ALKBH8: variants seen among roughly 807,000 people sequenced by gnomAD.
The protein encoded by ALKBH8 is tRNA (carboxymethyluridine(34)-5-O)-methyltransferase ALKBH8.
Under a neutral mutation model 59.8 loss-of-function variants are expected in ALKBH8, and 36 were observed. The ratio of observed to expected loss-of-function variants is 0.60; its 90% CI spans 0.46 to 0.79. ALKBH8 has a LOEUF of 0.79. ALKBH8 is among the 30% of genes least tolerant of loss of function. The probability of loss-of-function intolerance (pLI) is 0.00; values close to 1 mark genes in which losing one functional copy is unlikely to be tolerated. For missense variants in ALKBH8, 768 were observed against 801.0 expected (o/e 0.96, Z 0.50); for synonymous variants, 276 against 273.6 (o/e 1.01, Z -0.09).
intron 8 of ALKBH8, among the ~76,000 whole-genome samples, chr11:107,531,737 G>A (rs759224608): frequency 1.3e-5 from 2 of 152,224 alleles, no homozygotes; most frequent in Non-Finnish European, 2.9e-5. Context: ...GGGCCAGAGA[G>A]TGAATATTTC....
intron 9 of ALKBH8, among the ~76,000 whole-genome samples, chr11:107,524,715 G>A (rs531333659): frequency 1.3e-5 from 2 of 152,082 alleles, no homozygotes; most frequent in African/African-American, 4.8e-5. Context: ...ATAACATTTT[G>A]TAGATATAGT....
intron 10 of ALKBH8, among the ~76,000 whole-genome samples, chr11:107,514,641 A>T (rs1284673771): frequency 6.6e-6 from 1 of 152,200 alleles, no homozygotes; most frequent in Non-Finnish European, 1.5e-5. Context: ...GCCATCAGCC[A>T]ACAGTCAGAA....
chr11:107,563,421 T>A (rs1024400946), intron 1 of ALKBH8: 37 of 152,198 alleles, frequency 2.4e-4, no homozygotes, highest in African/African-American at 8.4e-4. Context: ...AGCTGTATAA[T>A]CCTAGATGAG....
At chr11:107,521,474 G>C (rs1047835471) in intron 10 of ALKBH8, among the ~76,000 whole-genome samples, 1 of 151,920 alleles carries the variant, frequency 6.6e-6, no homozygotes, top group African/African-American at 2.4e-5. Flanking sequence ...GAAGTAATCT[G>C]ACATACTCCA....
In ALKBH8 at chr11:107,556,967, C is replaced by T. The variant is rs756095378; in HGVS notation, c.166G>A (p.Val56Met). The change falls in exon 3 of 12, where the codon GTG (valine) becomes ATG (methionine). Residue 56 changes from valine (V) to methionine (M), a missense_variant. Val to Met is a conservative substitution (Grantham distance 21). Transcript: ENST00000428149. Reference protein sequence around the residue: ...VVANGGLGNGVSRNQLLPVLE... With the variant: ...VVANGGLGNGMSRNQLLPVLE... ...ACCGGGAGCAGCTGGTTCCGACTCA[C>T]ACCATTACCCAAACCACCATTGGCA... 6 of 1,601,728 alleles carry T rather than the reference C, an allele frequency of 3.7e-6. No individual in the cohort carries two copies. In the African/African-American group the frequency reaches 5.4e-5, roughly 14 times the overall value.
At chr11:107,544,854 CACACACAA>C (rs1288991467) in intron 7 of ALKBH8, among the ~76,000 whole-genome samples, 1 of 140,540 alleles carries the variant, frequency 7.1e-6, no homozygotes, top group Non-Finnish European at 1.5e-5. Context: ...CACACACACA[CACACACAA>C]AGAAGGAGAA....
chr11:107,563,109 G>A (rs1528494), intron 1 of ALKBH8, among the ~76,000 whole-genome samples: 25,884 of 152,132 alleles, frequency 0.17, 2,271 homozygotes, highest in South Asian at 0.21. Flanking sequence ...TGCAATGTCT[G>A]GCTGGCAAGT....
intron 2 of ALKBH8, among the ~76,000 whole-genome samples, chr11:107,558,580 T>A (rs1449624277): frequency 1.3e-5 from 2 of 152,076 alleles, no homozygotes; most frequent in Admixed American, 1.3e-4. Context: ...ATACTAGAAG[T>A]CCTCTAAGAT....
chr11:107,526,989 T>A (rs778630439), intron 8 of ALKBH8, among the ~76,000 whole-genome samples: 2 of 151,978 alleles, frequency 1.3e-5, no homozygotes, highest in Non-Finnish European at 2.9e-5. Context: ...GTCTTAAAAA[T>A]CAGGCAGAAT....
intron 9 of ALKBH8, among the ~76,000 whole-genome samples, chr11:107,522,833 G>A (rs1044102921): frequency 5.4e-4 from 82 of 152,088 alleles, no homozygotes; most frequent in Non-Finnish European, 3.4e-4. Flanking sequence ...ACCTAGTGTT[G>A]GTGTGGATAA....
At chr11:107,518,318 CAG>C (rs1208508448) in intron 10 of ALKBH8, among the ~76,000 whole-genome samples, 1 of 152,190 alleles carries the variant, frequency 6.6e-6, no homozygotes, top group Non-Finnish European at 1.5e-5. Context: ...TTTTTAGACT[CAG>C]AGTCTCACTC....
chr11:107,548,133 G>A (rs2135562953), intron 7 of ALKBH8, among the ~76,000 whole-genome samples: 1 of 152,310 alleles, frequency 6.6e-6, no homozygotes, highest in South Asian at 2.1e-4. Flanking sequence ...TCTGAAGCCA[G>A]GCTCACTTGG....
chr11:107,518,993 T>C (rs1481683458), intron 10 of ALKBH8, among the ~76,000 whole-genome samples: 2 of 152,194 alleles, frequency 1.3e-5, no homozygotes, highest in Non-Finnish European at 2.9e-5. Context: ...TTTTAGGAGA[T>C]GTGATCTTGA....
intron 7 of ALKBH8, among the ~76,000 whole-genome samples, chr11:107,540,516 C>A (rs762517244): frequency 7.2e-5 from 11 of 152,182 alleles, no homozygotes; most frequent in Non-Finnish European, 1.5e-5. Flanking sequence ...ACTGGAAAAT[C>A]AGCTAAAAAA....
At position 107,560,821 on chromosome 11, in the gene ALKBH8, C is replaced by T. The variant is rs772973114; in HGVS notation, c.73G>A (p.Ala25Thr). 2.5e-6 allele frequency: 4 copies of T among 1,613,226 alleles called. No individual in the cohort carries two copies. The highest frequency in any genetic ancestry group is 2.2e-5 in the South Asian group (2 of 91,016). The change falls in exon 2 of 12, where the codon GCC (alanine) becomes ACC (threonine). Residue 25 changes from alanine (A) to threonine (T), a missense_variant. By Grantham distance (58) the Ala-to-Thr change is moderately conservative (BLOSUM62 0). Coordinates refer to ENST00000428149, the MANE Select transcript of ALKBH8 (RefSeq NM_138775.3). ...TCATGTCTCAGCAAAGTATGCTTGG[C>T]TTTAATCTGTTTCCTTAAGAACTTC... is the stretch of plus-strand genomic sequence containing the variant. ...EKKFLRKQIK[A>T]KHTLLRHEGI...
chr11:107,547,439 C>T lies in ALKBH8; in HGVS notation c.771+2314G>A, dbSNP rs73553678. On this transcript the variant is annotated intron_variant, in intron 7 of 11. Transcript: ENST00000428149. Reference sequence around the variant, plus strand: ...AGAAGTGAAGGCTTTAAGTAAGGAGCCCTAGAACAGATACACCTGAAGGAG... The same window carrying T: ...AGAAGTGAAGGCTTTAAGTAAGGAGTCCTAGAACAGATACACCTGAAGGAG... Among the ~76,000 whole-genome samples, 784 of 152,264 alleles carry T rather than the reference C, an allele frequency of 5.1e-3. 4 individuals carry two copies. Among genetic ancestry groups the T allele is most frequent in the African/African-American group, 0.018 (742 of 41,538 alleles).
At chr11:107,522,740 A>G (rs1863172118) in intron 9 of ALKBH8, among the ~76,000 whole-genome samples, 185 bp from the exon 10 acceptor site, 1 of 152,160 alleles carries the variant, frequency 6.6e-6, no homozygotes. Context: ...TGGGGGGCCA[A>G]GGCTGCAGTG....
intron 7 of ALKBH8, among the ~76,000 whole-genome samples, chr11:107,534,613 C>T (rs1863732801): frequency 6.6e-6 from 1 of 152,114 alleles, no homozygotes; most frequent in Non-Finnish European, 1.5e-5. Flanking sequence ...GTGATTAGAA[C>T]TCACAAGAGA....
intron 8 of ALKBH8, among the ~76,000 whole-genome samples, chr11:107,526,619 A>G (rs1863368949): frequency 6.6e-6 from 1 of 152,004 alleles, no homozygotes; most frequent in Non-Finnish European, 1.5e-5. Context: ...ATAGTGTGTT[A>G]TGAAATCTCT....
Sources: allele counts gnomAD v4.1 joint callset (sites outside exome capture counted in the v4.1 genomes callset), GRCh38; gene constraint gnomAD v4.1.1; transcripts MANE v1.5; gene names NCBI Gene and HGNC (gene_info 2026-07-23, HGNC 2026-07-21).